The following RBFOX1 variants were observed in gnomAD, a reference collection of about 807,000 sequenced individuals.
RBFOX1 encodes RNA binding protein fox-1 homolog 1.
RBFOX1 carries 8 observed loss-of-function variants against 57.7 expected under a neutral mutation model. That is an observed-to-expected ratio of 0.14 (90% CI 0.08 to 0.25). The LOEUF (loss-of-function observed/expected upper bound fraction) is 0.25. Among genes scored for constraint, RBFOX1 ranks in the 10% least tolerant of loss-of-function variants. RBFOX1 has a pLI of 1.00. For synonymous variants in RBFOX1, 326 were observed against 222.4 expected, an observed-to-expected ratio of 1.47 and a Z score of -4.15; for missense variants, 611 against 548.5, an observed-to-expected ratio of 1.11 and a Z score of -1.14.
intron 3 of RBFOX1, among the ~76,000 whole-genome samples, chr16:7,033,955 C>G (rs1163252214): frequency 6.6e-6 from 1 of 152,160 alleles, no homozygotes; most frequent in Non-Finnish European, 1.5e-5. Context: ...GGTGACCAAG[C>G]AAGACCCTGT....
At chr16:5,280,832 T>G (rs2063254202) in intron 1 of RBFOX1, among the ~76,000 whole-genome samples, 1 of 151,988 alleles carries the variant, frequency 6.6e-6, no homozygotes, top group East Asian at 1.9e-4. Context: ...TTTCTTTTTT[T>G]TTTTGGTTAG....
intron 4 of RBFOX1, among the ~76,000 whole-genome samples, chr16:7,379,629 G>A (rs945128411): frequency 5.3e-5 from 8 of 152,132 alleles, no homozygotes; most frequent in Admixed American, 1.3e-4. Context: ...TAGAGGTGAG[G>A]CAGAGGGCTA....
intron 3 of RBFOX1, among the ~76,000 whole-genome samples, chr16:6,882,784 A>T (rs972110639): frequency 6.6e-6 from 1 of 151,936 alleles, no homozygotes; most frequent in African/African-American, 2.4e-5. Context: ...ACCAGGATGC[A>T]AGTGGCATTC....
chr16:5,837,995 G>A (rs564676755), intron 3 of RBFOX1: 3 of 152,328 alleles, frequency 2.0e-5, no homozygotes, highest in East Asian at 1.9e-4. Flanking sequence ...GTGGACTCCA[G>A]TTCTAGGGCT....
At chr16:6,505,599 G>A (rs1458792589) in intron 2 of RBFOX1, among the ~76,000 whole-genome samples, 17 of 152,136 alleles carry the variant, frequency 1.1e-4, no homozygotes. Context: ...GTATAGCAGA[G>A]ATGAGGTGAA....
At chr16:7,626,717 T>G (rs2060127475) in intron 10 of RBFOX1, among the ~76,000 whole-genome samples, 2 of 152,314 alleles carry the variant, frequency 1.3e-5, no homozygotes, top group South Asian at 4.2e-4. Flanking sequence ...GTAAATCTAT[T>G]TGAACTTCAG....
At position 5,322,320 on chromosome 16, in the gene RBFOX1, C is replaced by G. The variant is rs11866857; in HGVS notation, c.219+82215C>G. ...CTCTCAGATACATTCCTCACTCAAC[C>G]TGCCTGCTCCTGGGGCTGGGGGACA... On this transcript the variant is annotated intron_variant, in intron 1 of 2. Transcript: ENST00000585867. Among the ~76,000 whole-genome samples, 766 of 152,284 alleles carry G rather than the reference C, an allele frequency of 5.0e-3. 6 individuals are homozygous for G. Among genetic ancestry groups the G allele is most frequent in the African/African-American group, 0.018 (729 of 41,550 alleles).
chr16:5,856,900 T>A (rs2057086442), intron 3 of RBFOX1, among the ~76,000 whole-genome samples: 2 of 152,208 alleles, frequency 1.3e-5, no homozygotes, highest in African/African-American at 2.4e-5. Context: ...CACTTTCTTA[T>A]CATTCCTGTG....
At position 7,700,147 on chromosome 16, in the gene RBFOX1, T is replaced by C. The variant is rs72636230; in HGVS notation, c.996-8909T>C. Among the ~76,000 whole-genome samples, 1,950 of 152,166 alleles carry C rather than the reference T, an allele frequency of 0.013. 151 individuals carry two copies. The East Asian group carries it at 0.22, about 18-fold the overall frequency. ...AGTACATAAGACTTTGGATCATCAA[T>C]CCAATTCAGGGGTAGCTCTGACACA... On this transcript the variant is annotated intron_variant, in intron 14 of 15. Coordinates refer to ENST00000550418, the MANE Select transcript of RBFOX1 (RefSeq NM_018723.4).
chr16:7,443,161 C>G (rs955563585), intron 4 of RBFOX1, among the ~76,000 whole-genome samples: 2 of 152,160 alleles, frequency 1.3e-5, no homozygotes, highest in Non-Finnish European at 2.9e-5. Flanking sequence ...TAACACCCGT[C>G]AATTCTAGGA....
At chr16:7,506,616 C>A (rs1022675290) in intron 4 of RBFOX1, among the ~76,000 whole-genome samples, 1 of 152,046 alleles carries the variant, frequency 6.6e-6, no homozygotes, top group Admixed American at 6.6e-5. Context: ...ACCACCACCA[C>A]CATCTTTGCT....
intron 3 of RBFOX1, among the ~76,000 whole-genome samples, chr16:5,804,528 G>A (rs1206060314): frequency 6.6e-6 from 1 of 152,184 alleles, no homozygotes; most frequent in African/African-American, 2.4e-5. Flanking sequence ...GAGGACAAAT[G>A]AAACGTTGAG....
Position 6,754,994 on chromosome 16 carries a change from G to A in RBFOX1, c.-16+100344G>A, listed in dbSNP as rs553840159. On this transcript the variant is annotated intron_variant, in intron 3 of 15. Coordinates refer to ENST00000550418, the MANE Select transcript of RBFOX1 (RefSeq NM_018723.4). Reference sequence around the variant, plus strand: ...CTTGGGATAGTTTACTGAGAATGATGATTTCCAATTTCATCCATGTCCCTA... The same window carrying A: ...CTTGGGATAGTTTACTGAGAATGATAATTTCCAATTTCATCCATGTCCCTA... Among the ~76,000 whole-genome samples the A allele has an allele frequency of 3.9e-5, 6 of 152,198 alleles. No individual in the cohort carries two copies. In the East Asian group the frequency reaches 7.7e-4, roughly 20 times the overall value.
chr16:5,500,188 C>A (rs1181605580), intron 2 of RBFOX1, among the ~76,000 whole-genome samples: 4 of 106,602 alleles, frequency 3.8e-5, no homozygotes, highest in African/African-American at 2.7e-4. Context: ...TCCCTCCCTC[C>A]CTCCCTTCAT....
chr16:5,396,378 C>G (rs2066556149), intron 1 of RBFOX1, among the ~76,000 whole-genome samples: 1 of 152,128 alleles, frequency 6.6e-6, no homozygotes, highest in Admixed American at 6.5e-5. Context: ...TGGGGGCTCA[C>G]ACCTGTAATC....
chr16:6,517,342 G>C (rs138433364), intron 2 of RBFOX1, among the ~76,000 whole-genome samples: 45 of 152,210 alleles, frequency 3.0e-4, no homozygotes, highest in African/African-American at 1.1e-3. Flanking sequence ...ATCCTGATCC[G>C]AATACATCTG....
chr16:6,878,760 C>G (rs369779841), intron 3 of RBFOX1, among the ~76,000 whole-genome samples: 1 of 152,062 alleles, frequency 6.6e-6, no homozygotes, highest in Non-Finnish European at 1.5e-5. Context: ...GTTTAAGGAC[C>G]CTGACAATCT....
chr16:5,992,360 C>G (rs2060415202), intron 4 of RBFOX1, among the ~76,000 whole-genome samples: 1 of 152,192 alleles, frequency 6.6e-6, no homozygotes, highest in Non-Finnish European at 1.5e-5. Flanking sequence ...CAGTAATTGA[C>G]TCAAATTTTA....
chr16:6,920,405 C>A (rs960452786), intron 3 of RBFOX1, among the ~76,000 whole-genome samples: 1 of 152,140 alleles, frequency 6.6e-6, no homozygotes, highest in Admixed American at 6.5e-5. Context: ...TCTACTGTTT[C>A]TCTTGCTTCC....
Sources: gnomAD v4.1 joint callset for allele counts (sites outside exome capture counted in the v4.1 genomes callset) on GRCh38, gnomAD v4.1.1 for gene constraint, MANE v1.5 for transcripts, NCBI Gene and HGNC (gene_info 2026-07-23, HGNC 2026-07-21) for gene names.